The following KIAA1958 variants were observed in gnomAD, a reference collection of about 807,000 sequenced individuals.
KIAA1958 encodes uncharacterized protein KIAA1958.
KIAA1958 carries 14 observed loss-of-function variants against 47.2 expected under a neutral mutation model. The ratio of observed to expected loss-of-function variants is 0.30; its 90% CI spans 0.20 to 0.46. The LOEUF is 0.46. Among genes scored for constraint, KIAA1958 ranks in the 20% least tolerant of loss-of-function variants. The pLI is 1.00. For synonymous variants in KIAA1958, 354 were observed against 353.3 expected (o/e 1.00, Z -0.02); for missense variants, 803 against 909.2 (o/e 0.88, Z 1.50).
intron 1 of KIAA1958, among the ~76,000 whole-genome samples, chr9:112,513,480 C>CTTAGGGAGCCCGTCCGGCCAT (rs1564154646): frequency 3.4e-4 from 20 of 58,014 alleles, no homozygotes; most frequent in South Asian, 7.5e-4. Context: ...GGGCTGGGGT[C>CTTAGGGAGCCCGTCCGGCCAT]GGTGGCCGCG....
At chr9:112,647,704 G>T (rs138916102) in intron 3 of KIAA1958, among the ~76,000 whole-genome samples, 1 of 152,324 alleles carries the variant, frequency 6.6e-6, no homozygotes, top group Non-Finnish European at 1.5e-5. Context: ...GACACAACAT[G>T]TGAAACAATT....
intron 1 of KIAA1958, among the ~76,000 whole-genome samples, chr9:112,514,584 GT>G (rs1198195725): frequency 7.9e-5 from 1 of 12,706 alleles, no homozygotes; most frequent in African/African-American, 4.2e-4. Flanking sequence ...ATGGGGGGGG[GT>G]CAGCCCCCCC....
At chr9:112,510,334 A>T (rs532064753) in intron 1 of KIAA1958, among the ~76,000 whole-genome samples, 1 of 152,086 alleles carries the variant, frequency 6.6e-6, no homozygotes, top group Non-Finnish European at 1.5e-5. Flanking sequence ...CATATAGTCA[A>T]CTCTCAGTAG....
At chr9:112,524,577 C>T (rs1834608559) in intron 1 of KIAA1958, among the ~76,000 whole-genome samples, 1 of 152,152 alleles carries the variant, frequency 6.6e-6, no homozygotes, top group South Asian at 2.1e-4. Flanking sequence ...TTATGATGCT[C>T]TAGAAAAGTG....
chr9:112,631,639 A>T (rs1836710030), intron 2 of KIAA1958, among the ~76,000 whole-genome samples: 1 of 152,130 alleles, frequency 6.6e-6, no homozygotes. Flanking sequence ...TATTATTAAT[A>T]ATTGATAAAT....
intron 1 of KIAA1958, among the ~76,000 whole-genome samples, chr9:112,508,447 A>G (rs1476186620): frequency 1.3e-5 from 2 of 152,258 alleles, no homozygotes; most frequent in Non-Finnish European, 2.9e-5. Context: ...TATGTCAAGC[A>G]TTACAAATAA....
At chr9:112,595,750 G>A (rs1836014381) in intron 2 of KIAA1958, among the ~76,000 whole-genome samples, 1 of 150,700 alleles carries the variant, frequency 6.6e-6, no homozygotes, top group Non-Finnish European at 1.5e-5. Context: ...TATACATAGT[G>A]TAAATAAATA....
intron 1 of KIAA1958, among the ~76,000 whole-genome samples, chr9:112,571,379 T>C (rs1190612650): frequency 2.0e-5 from 3 of 152,184 alleles, no homozygotes; most frequent in African/African-American, 4.8e-5. Flanking sequence ...TGTTAGACTT[T>C]AGGGATTTTG....
intron 1 of KIAA1958, among the ~76,000 whole-genome samples, chr9:112,500,164 C>T (rs938162335): frequency 1.3e-5 from 2 of 151,856 alleles, no homozygotes; most frequent in South Asian, 2.1e-4. Context: ...TGCAGTGGTG[C>T]GAACTCAGCT....
At chr9:112,591,845 C>A (rs1233445893) in intron 2 of KIAA1958, among the ~76,000 whole-genome samples, 1 of 152,108 alleles carries the variant, frequency 6.6e-6, no homozygotes, top group African/African-American at 2.4e-5. Context: ...GAATAGCACT[C>A]GAATATAAAA....
chr9:112,525,928 T>C (rs1588001903), intron 1 of KIAA1958, among the ~76,000 whole-genome samples: 1 of 2,576 alleles, frequency 3.9e-4, no homozygotes, highest in Non-Finnish European at 5.1e-4. Context: ...TTTCTTCTTC[T>C]TCTTCTTCTT....
chr9:112,641,798 T>A (rs549015018), intron 2 of KIAA1958, among the ~76,000 whole-genome samples: 2 of 152,318 alleles, frequency 1.3e-5, no homozygotes, highest in East Asian at 3.9e-4. Flanking sequence ...TCTATTGTTT[T>A]TAAAATATAT....
chr9:112,498,285 G>T (rs1204637129), intron 1 of KIAA1958, among the ~76,000 whole-genome samples: 8 of 152,144 alleles, frequency 5.3e-5, no homozygotes, highest in Non-Finnish European at 8.8e-5. Context: ...CTTAAGGAAA[G>T]GTGGCGGTTC....
At chr9:112,642,435 AC>A (rs1836906620) in intron 2 of KIAA1958, among the ~76,000 whole-genome samples, 1 of 152,198 alleles carries the variant, frequency 6.6e-6, no homozygotes, top group Non-Finnish European at 1.5e-5. Context: ...GCCCAGAGTT[AC>A]CAGAGGCAGT....
intron 1 of KIAA1958, among the ~76,000 whole-genome samples, chr9:112,491,430 A>G (rs1327052140): frequency 6.6e-6 from 1 of 152,210 alleles, no homozygotes; most frequent in African/African-American, 2.4e-5. Flanking sequence ...TGGTTGCTGC[A>G]AGTTAGAGAA....
chr9:112,540,838 C>T (rs1325592411), intron 1 of KIAA1958, among the ~76,000 whole-genome samples: 1 of 151,750 alleles, frequency 6.6e-6, no homozygotes, highest in African/African-American at 2.4e-5. Context: ...ATCTCAGCCT[C>T]CTGAGTAGCT....
At chr9:112,487,258 C>G (rs757733579) in intron 1 of KIAA1958, 140 bp downstream of exon 1, 9 of 165,242 alleles carry the variant, frequency 5.4e-5, no homozygotes, top group African/African-American at 7.2e-5. Context: ...CCCGGCTGAA[C>G]CTTCCTTTTG....
At chr9:112,535,776 T>A (rs865788702) in intron 1 of KIAA1958, among the ~76,000 whole-genome samples, 3 of 152,200 alleles carry the variant, frequency 2.0e-5, no homozygotes, top group African/African-American at 7.2e-5. Flanking sequence ...GCTTTTTTTT[T>A]AACAGGCATG....
At chr9:112,554,777 C>T (rs1835213607) in intron 1 of KIAA1958, among the ~76,000 whole-genome samples, 1 of 152,054 alleles carries the variant, frequency 6.6e-6, no homozygotes, top group Non-Finnish European at 1.5e-5. Flanking sequence ...TTTGGAAGAA[C>T]CCTGGGCAGT....
Sources: allele counts gnomAD v4.1 joint callset (sites outside exome capture counted in the v4.1 genomes callset), GRCh38; gene constraint gnomAD v4.1.1; transcripts MANE v1.5; gene names NCBI Gene and HGNC (gene_info 2026-07-23, HGNC 2026-07-21).